Variants in MED12L observed in about 807,000 individuals in gnomAD.
MED12L encodes mediator complex subunit 12L.
Under a neutral mutation model 281.3 loss-of-function variants are expected in MED12L, and 60 were observed. The observed-to-expected ratio is 0.21, with a 90% CI of 0.17 to 0.26. The LOEUF (loss-of-function observed/expected upper bound fraction) is 0.26, where lower values mean the gene tolerates loss of function less well. Ranked by LOEUF, MED12L falls within the 10% of genes least tolerant of loss-of-function variation. The pLI is 1.00. For missense variants in MED12L, 2,146 were observed against 2,680.9 expected, an observed-to-expected ratio of 0.80 and a Z score of 4.41; for synonymous variants, 974 against 987.2, an observed-to-expected ratio of 0.99 and a Z score of 0.25.
intron 2 of MED12L, among the ~76,000 whole-genome samples, chr3:151,113,155 T>G (rs1204335280): frequency 1.3e-5 from 2 of 152,166 alleles, no homozygotes; most frequent in East Asian, 3.9e-4. Context: ...TTAAATAGGG[T>G]CATCACATTT....
chr3:151,425,192 G>A (rs899543112), intron 43 of MED12L, among the ~76,000 whole-genome samples: 1 of 152,202 alleles, frequency 6.6e-6, no homozygotes, highest in South Asian at 2.1e-4. Context: ...CAGTCCTGCA[G>A]CTGATTTTGT....
chr3:151,417,488 T>TCC (rs1717745522), intron 43 of MED12L, among the ~76,000 whole-genome samples: 1 of 10,992 alleles, frequency 9.1e-5, no homozygotes, highest in Non-Finnish European at 3.4e-4. Context: ...CCCCCCCGCC[T>TCC]TTTTTTTTTT....
rs565478553 is a variant in MED12L at position 151,381,635 on chromosome 3, G to C, written c.4591-1021G>C. Among the ~76,000 whole-genome samples, 34 of 152,276 alleles carry C rather than the reference G, an allele frequency of 2.2e-4. 1 individual carries two copies. In the South Asian group the frequency reaches 7.0e-3, roughly 32 times the overall value. ...GTTAAGATGTTACCTCCTTCGGGAG[G>C]CCTTTGATCACCTCTAAAAATAGGA... On this transcript the variant is annotated intron_variant, in intron 32 of 44. Transcript: ENST00000687756.
chr3:151,307,588 T>C (rs575445554), intron 16 of MED12L, among the ~76,000 whole-genome samples: 2 of 127,580 alleles, frequency 1.6e-5, no homozygotes, highest in Non-Finnish European at 3.4e-5. Flanking sequence ...TGTGTGTGTT[T>C]AGAGCAGATG....
chr3:151,109,213 G>A (rs749362202), intron 2 of MED12L, among the ~76,000 whole-genome samples: 1 of 151,996 alleles, frequency 6.6e-6, no homozygotes, highest in Non-Finnish European at 1.5e-5. Flanking sequence ...CAGCCACCAC[G>A]CCCGGCAATT....
At chr3:151,198,441 C>T (rs752577372) in intron 16 of MED12L, 1 of 1,594,000 alleles carries the variant, frequency 6.3e-7, no homozygotes, top group South Asian at 1.1e-5. Flanking sequence ...GCATTATTTT[C>T]ACATCTTAAT....
At chr3:151,427,519 A>G (rs1380913562) in intron 43 of MED12L, among the ~76,000 whole-genome samples, 4 of 152,240 alleles carry the variant, frequency 2.6e-5, no homozygotes, top group African/African-American at 4.8e-5. Flanking sequence ...ATTCTGTGAA[A>G]TACTCTATTT....
intron 3 of MED12L, among the ~76,000 whole-genome samples, chr3:151,121,040 C>T (rs1713670551): frequency 6.6e-6 from 1 of 152,094 alleles, no homozygotes; most frequent in African/African-American, 2.4e-5. Context: ...TTTTAGAGCT[C>T]TGCTTGTTAT....
chr3:151,413,533 T>C (rs1034728827), intron 42 of MED12L, among the ~76,000 whole-genome samples: 1 of 152,178 alleles, frequency 6.6e-6, no homozygotes, highest in African/African-American at 2.4e-5. Flanking sequence ...ATTCTTCCCA[T>C]TTCACAAAGG....
At chr3:151,377,423 G>A (rs1756977858) in intron 30 of MED12L, among the ~76,000 whole-genome samples, 1 of 152,196 alleles carries the variant, frequency 6.6e-6, no homozygotes, top group Non-Finnish European at 1.5e-5. Context: ...CATGCTTTCA[G>A]TGTCCCTTAG....
chr3:151,093,531 T>C (rs1576709452), intron 2 of MED12L, among the ~76,000 whole-genome samples: 1 of 152,234 alleles, frequency 6.6e-6, no homozygotes, highest in East Asian at 1.9e-4. Flanking sequence ...TATTAGAATC[T>C]TTTGGATAAT....
intron 43 of MED12L, among the ~76,000 whole-genome samples, chr3:151,423,754 T>C (rs1286661234): frequency 6.6e-6 from 1 of 152,252 alleles, no homozygotes; most frequent in African/African-American, 2.4e-5. Context: ...TCTTTAAAAC[T>C]ACTTCCAGTG....
rs536126876 is a variant in MED12L, at chr3:151,258,234, G to A, written c.2250+64568G>A. ...CTGGAAGCTAGATGGGAACTAGCTC[G>A]GGCATAATCAAGTACTCTTGACCCT... is the stretch of plus-strand genomic sequence containing the variant. On this transcript the variant is annotated intron_variant, in intron 16 of 44. Coordinates refer to ENST00000687756, the MANE Select transcript of MED12L (RefSeq NM_001393769.1). Among the ~76,000 whole-genome samples the A allele has an allele frequency of 4.6e-5, 7 of 152,218 alleles. No homozygotes were observed. In the South Asian group the frequency reaches 8.3e-4, roughly 18 times the overall value.
intron 16 of MED12L, chr3:151,199,464 G>A: frequency 1.6e-6 from 2 of 1,246,924 alleles, no homozygotes; most frequent in South Asian, 3.0e-5. Flanking sequence ...AGGAAAGGGA[G>A]GTTAGTAATT....
intron 16 of MED12L, among the ~76,000 whole-genome samples, chr3:151,231,273 G>A (rs1423724699): frequency 1.3e-5 from 2 of 152,226 alleles, no homozygotes; most frequent in Admixed American, 6.5e-5. Context: ...AACTGATTCA[G>A]GCAATAAGCT....
At chr3:151,210,413 C>T (rs763134190) in intron 16 of MED12L, among the ~76,000 whole-genome samples, 4 of 152,224 alleles carry the variant, frequency 2.6e-5, no homozygotes, top group East Asian at 1.9e-4. Flanking sequence ...GACAACATTT[C>T]GTAAAAGACC....
chr3:151,208,613 G>C (rs190986442), intron 16 of MED12L, among the ~76,000 whole-genome samples: 1 of 152,138 alleles, frequency 6.6e-6, no homozygotes, highest in Admixed American at 6.5e-5. Context: ...TGGAGGTGGA[G>C]GTTGCAGTGA....
intron 3 of MED12L, among the ~76,000 whole-genome samples, chr3:151,122,281 A>G (rs1713873530): frequency 6.6e-6 from 1 of 152,248 alleles, no homozygotes; most frequent in African/African-American, 2.4e-5. Flanking sequence ...ATTTAAATAA[A>G]TTAAATTTCT....
intron 16 of MED12L, among the ~76,000 whole-genome samples, chr3:151,229,501 C>A (rs868489893): frequency 1.9e-5 from 2 of 104,798 alleles, no homozygotes; most frequent in African/African-American, 3.7e-5. Context: ...TTTTTTGAGA[C>A]GGAGTCTCAC....
Sources: allele counts gnomAD v4.1 joint callset (sites outside exome capture counted in the v4.1 genomes callset), GRCh38; gene constraint gnomAD v4.1.1; transcripts MANE v1.5; gene names NCBI Gene and HGNC (gene_info 2026-07-23, HGNC 2026-07-21).